Variants in DHRSX observed in about 807,000 individuals in gnomAD.
DHRSX encodes polyprenol dehydrogenase.
DHRSX carries 31 observed loss-of-function variants against 34.0 expected under a neutral mutation model. The observed-to-expected ratio is 0.91, with a 90% confidence interval of 0.69 to 1.23. DHRSX has a LOEUF of 1.23. Among genes scored for constraint, DHRSX ranks in the 50% most tolerant of loss-of-function variants. DHRSX has a pLI of 0.00. For synonymous variants in DHRSX, 201 were observed against 183.8 expected (o/e 1.09, Z -0.76); for missense variants, 414 against 428.1 (o/e 0.97, Z 0.29).
intron 1 of DHRSX, among the ~76,000 whole-genome samples, chrX:2,430,400 C>A (rs2043903792): frequency 1.3e-5 from 2 of 152,230 alleles, no homozygotes; most frequent in Admixed American, 1.3e-4. Context: ...CACACAGACA[C>A]CCCCGCACAC....
chrX:2,256,480 G>T (rs73183502), intron 5 of DHRSX, among the ~76,000 whole-genome samples: 1 of 151,690 alleles, frequency 6.6e-6, no homozygotes, highest in African/African-American at 2.4e-5. Context: ...ATTTTTAGTA[G>T]AGACGGGGTT....
intron 3 of DHRSX, among the ~76,000 whole-genome samples, chrX:2,314,947 C>G (rs1256276981): frequency 3.3e-5 from 5 of 152,020 alleles, no homozygotes; most frequent in African/African-American, 1.2e-4. Flanking sequence ...CACCTGAGGT[C>G]GGGAGTTAAG....
intron 3 of DHRSX, among the ~76,000 whole-genome samples, chrX:2,314,219 AGG>A (rs2042199870): frequency 8.3e-5 from 1 of 11,994 alleles, no homozygotes; most frequent in Non-Finnish European, 1.6e-4. Flanking sequence ...GGAGGGAAGG[AGG>A]GAAGGAAGGG....
At chrX:2,369,121 G>T (rs1175369656) in intron 3 of DHRSX, among the ~76,000 whole-genome samples, 1 of 152,128 alleles carries the variant, frequency 6.6e-6, no homozygotes, top group Non-Finnish European at 1.5e-5. Context: ...CTACCAAGGG[G>T]GAAAGAGCTT....
intron 3 of DHRSX, among the ~76,000 whole-genome samples, chrX:2,385,260 A>G (rs1451598310): frequency 2.0e-5 from 3 of 152,078 alleles, no homozygotes; most frequent in Non-Finnish European, 4.4e-5. Flanking sequence ...TGACACTGGA[A>G]ATTCACATTT....
intron 3 of DHRSX, among the ~76,000 whole-genome samples, chrX:2,363,375 GGT>G (rs2042958427): frequency 7.4e-6 from 1 of 135,048 alleles, no homozygotes; most frequent in Non-Finnish European, 1.5e-5. Flanking sequence ...ACTGTTCTAT[GGT>G]GTCATGCCGC....
chrX:2,272,205 A>G (rs1290994758), intron 4 of DHRSX, among the ~76,000 whole-genome samples: 1 of 152,202 alleles, frequency 6.6e-6, no homozygotes, highest in African/African-American at 2.4e-5. Flanking sequence ...GAAGCTTTGC[A>G]TTTTGATGAA....
intron 3 of DHRSX, among the ~76,000 whole-genome samples, chrX:2,317,191 CAG>C (rs201487737): frequency 0.015 from 2,273 of 151,780 alleles, 67 homozygotes; most frequent in African/African-American, 0.05. Context: ...CTCCTGACCT[CAG>C]GTGATCCACC....
intron 1 of DHRSX, among the ~76,000 whole-genome samples, chrX:2,473,840 C>T (rs2044631068): frequency 1.4e-5 from 2 of 140,456 alleles, no homozygotes; most frequent in South Asian, 2.1e-4. Context: ...AATCTCTGAT[C>T]TGGGTGGGGC....
intron 3 of DHRSX, among the ~76,000 whole-genome samples, chrX:2,306,930 T>C (rs1464925128): frequency 7.2e-6 from 1 of 138,932 alleles, no homozygotes; most frequent in Non-Finnish European, 1.6e-5. Flanking sequence ...TTGGGGCTTT[T>C]TTTTTTTTTT....
At chrX:2,265,212 G>C (rs2124460222) in intron 5 of DHRSX, among the ~76,000 whole-genome samples, 1 of 70,236 alleles carries the variant, frequency 1.4e-5, no homozygotes, top group East Asian at 4.3e-4. Flanking sequence ...AGCAGACGCA[G>C]GGAGCACTGT....
intron 1 of DHRSX, among the ~76,000 whole-genome samples, chrX:2,482,789 A>G (rs1476928494): frequency 1.3e-5 from 2 of 152,158 alleles, no homozygotes; most frequent in Non-Finnish European, 2.9e-5. Flanking sequence ...ATAAAATAGG[A>G]GTCCGGTGAC....
chrX:2,254,873 T>C (rs1001533354), intron 5 of DHRSX, among the ~76,000 whole-genome samples: 6 of 151,642 alleles, frequency 4.0e-5, no homozygotes, highest in Non-Finnish European at 8.8e-5. Context: ...CTTGATCTCC[T>C]GACCTTGTGA....
chrX:2,272,422 A>T (rs1443480021), intron 4 of DHRSX, among the ~76,000 whole-genome samples: 1 of 151,960 alleles, frequency 6.6e-6, no homozygotes, highest in African/African-American at 2.4e-5. Context: ...TTCTTTTGAC[A>T]CTCGTCTCCT....
chrX:2,273,363 C>G (rs918041299), intron 4 of DHRSX, among the ~76,000 whole-genome samples: 1 of 152,050 alleles, frequency 6.6e-6, no homozygotes, highest in African/African-American at 2.4e-5. Context: ...TACTACTAAG[C>G]CATTAAAAAG....
At chrX:2,444,591 G>A (rs1344161250) in intron 1 of DHRSX, among the ~76,000 whole-genome samples, 2 of 152,176 alleles carry the variant, frequency 1.3e-5, no homozygotes, top group Non-Finnish European at 2.9e-5. Flanking sequence ...AGCACTCTGG[G>A]AGGCCCAGGT....
chrX:2,434,547 T>C (rs1479578387), intron 1 of DHRSX, among the ~76,000 whole-genome samples: 1 of 152,182 alleles, frequency 6.6e-6, no homozygotes, highest in African/African-American at 2.4e-5. Flanking sequence ...GATGCTCGCC[T>C]GTAGTCCCAG....
At chrX:2,345,892 T>C (rs2042703084) in intron 3 of DHRSX, among the ~76,000 whole-genome samples, 2 of 152,130 alleles carry the variant, frequency 1.3e-5, no homozygotes, top group South Asian at 4.1e-4. Context: ...CTTGCCAGCC[T>C]CCATCACCAT....
intron 6 of DHRSX, among the ~76,000 whole-genome samples, chrX:2,232,305 G>C (rs1260941730): frequency 6.7e-6 from 1 of 148,784 alleles, no homozygotes; most frequent in East Asian, 2.0e-4. Flanking sequence ...GGGGATTCCT[G>C]AATGAACTTG....
Sources: gnomAD v4.1 joint callset for allele counts (sites outside exome capture counted in the v4.1 genomes callset) on GRCh38, gnomAD v4.1.1 for gene constraint, MANE v1.5 for transcripts, NCBI Gene and HGNC (gene_info 2026-07-23, HGNC 2026-07-21) for gene names.